The following ZDHHC15 variants were observed in gnomAD, a reference collection of about 807,000 sequenced individuals.
The protein encoded by ZDHHC15 is palmitoyltransferase ZDHHC15.
ZDHHC15 carries 19 observed loss-of-function variants against 31.7 expected under a neutral mutation model. That is an observed-to-expected ratio of 0.60 (90% confidence interval 0.42 to 0.88). The LOEUF is 0.88. Among genes scored for constraint, ZDHHC15 ranks in the 40% least tolerant of loss-of-function variants. The pLI is 0.00. For missense variants in ZDHHC15, 209 were observed against 251.2 expected, an observed-to-expected ratio of 0.83 and a Z score of 1.14; for synonymous variants, 103 against 90.0, an observed-to-expected ratio of 1.14 and a Z score of -0.82.
intron 10 of ZDHHC15, chrX:75,384,650 G>A (rs1343665393): frequency 1.8e-5 from 15 of 856,434 alleles, no homozygotes; most frequent in African/African-American, 8.0e-5. Context: ...TCTAAGAGCC[G>A]AGATAGCTTC....
Position 75,424,574 on chromosome X carries a change from G to A in ZDHHC15, c.736+78C>T, listed in dbSNP as rs929100040. ...CTGCAGCTAAAATGCTTCACTGGAAGTTTTAATTGGGAACAATTCACAGGT... is the reference window on the plus strand; with the variant it reads ...CTGCAGCTAAAATGCTTCACTGGAAATTTTAATTGGGAACAATTCACAGGT... On this transcript the variant is annotated intron_variant, in intron 8 of 11. Coordinates refer to ENST00000373367, the MANE Select transcript of ZDHHC15 (RefSeq NM_144969.3). 1.4e-5 allele frequency: 14 copies of A among 1,030,592 alleles called. No homozygotes were observed. The South Asian group carries it at 4.4e-4, about 32-fold the overall frequency. The allele number at this position is 1,030,592 out of a possible 1,213,427, so 84.9% of individuals were successfully genotyped here. A position where few individuals can be genotyped will look rare whatever the true frequency, so the allele number is the denominator to read the frequency against.
At chrX:75,485,460 A>G in intron 2 of ZDHHC15, among the ~76,000 whole-genome samples, 1 of 110,521 alleles carries the variant, frequency 9.0e-6, no homozygotes, top group Non-Finnish European at 1.9e-5. Context: ...TGACTCTAAA[A>G]CCTACCATTG....
intron 1 of ZDHHC15, among the ~76,000 whole-genome samples, chrX:75,516,631 C>T (rs911973319): frequency 2.7e-5 from 3 of 112,147 alleles, no homozygotes; most frequent in African/African-American, 9.7e-5. Context: ...ACCTTAAAAA[C>T]CCTACAAGAA....
chrX:75,469,789 A>T (rs1174374817), intron 3 of ZDHHC15, among the ~76,000 whole-genome samples: 1 of 111,484 alleles, frequency 9.0e-6, no homozygotes, highest in Non-Finnish European at 1.9e-5. Flanking sequence ...CTATTTGAGG[A>T]ACCATTATAC....
intron 2 of ZDHHC15, among the ~76,000 whole-genome samples, chrX:75,491,797 A>C (rs999281391): frequency 7.2e-5 from 8 of 111,316 alleles, no homozygotes; most frequent in Non-Finnish European, 1.1e-4. Context: ...GGAAGCGCTA[A>C]ACATGGAAAG....
chrX:75,430,420 T>C (rs1305990717), intron 5 of ZDHHC15, among the ~76,000 whole-genome samples: 1 of 111,008 alleles, frequency 9.0e-6, no homozygotes, highest in Non-Finnish European at 1.9e-5. Flanking sequence ...AAAAATGGGG[T>C]TTGCAAAGCT....
rs915720274 is a variant in ZDHHC15, at chrX:75,370,119, G to A, written c.*2859C>T. The A allele has an allele frequency of 3.6e-5, 4 of 111,800 alleles. No homozygotes were observed. The highest frequency in any genetic ancestry group is 7.5e-5 in the Non-Finnish European group (4 of 53,162). 9.2% of individuals were successfully genotyped at this position (111,800 alleles called of 1,213,427 possible). A position where few individuals can be genotyped will look rare whatever the true frequency, so the allele number is the denominator to read the frequency against. On this transcript the variant is annotated 3_prime_UTR_variant, in exon 12 of 12. Coordinates refer to ENST00000373367, the MANE Select transcript of ZDHHC15 (RefSeq NM_144969.3). Reference sequence around the variant, plus strand: ...ATTATTTTGCTTAGAAATACTGTATGGTTAAGCTTTTCATTCCAGTCCTAT... The same window carrying A: ...ATTATTTTGCTTAGAAATACTGTATAGTTAAGCTTTTCATTCCAGTCCTAT...
intron 2 of ZDHHC15, among the ~76,000 whole-genome samples, chrX:75,495,234 C>G (rs1187381740): frequency 8.9e-6 from 1 of 111,823 alleles, no homozygotes. Flanking sequence ...CAATGAGATA[C>G]TATCTCACAC....
At chrX:75,386,416 A>G (rs1323892509) in intron 10 of ZDHHC15, among the ~76,000 whole-genome samples, 1 of 112,175 alleles carries the variant, frequency 8.9e-6, no homozygotes, top group Non-Finnish European at 1.9e-5. Flanking sequence ...TAAAGAGGCA[A>G]TTTATCACAT....
intron 10 of ZDHHC15, among the ~76,000 whole-genome samples, chrX:75,411,529 C>A: frequency 8.9e-6 from 1 of 112,292 alleles, no homozygotes; most frequent in African/African-American, 3.2e-5. Flanking sequence ...TTCGATATAG[C>A]TAGAAGAGAA....
chrX:75,466,486 C>A (rs1463253532), intron 3 of ZDHHC15, among the ~76,000 whole-genome samples: 1 of 111,298 alleles, frequency 9.0e-6, no homozygotes, highest in East Asian at 2.8e-4. Flanking sequence ...AAGATACATG[C>A]ATTAATTGTA....
rs183297377 is a variant in ZDHHC15, at chrX:75,373,488, G to A, written c.*33-543C>T. On this transcript the variant is annotated intron_variant, in intron 11 of 11. Coordinates refer to ENST00000373367, the MANE Select transcript of ZDHHC15 (RefSeq NM_144969.3). ...GGCCCTCAAGTAGCTATTTGTTTAA[G>A]CTTTCCGGAAAATGATTTGGCCTTA... Among the ~76,000 whole-genome samples, 463 of 110,579 alleles carry A rather than the reference G, an allele frequency of 4.2e-3. 2 individuals carry two copies. The highest frequency in any genetic ancestry group is 0.015 in the African/African-American group (447 of 30,481).
At chrX:75,391,428 A>G (rs2083241398) in intron 10 of ZDHHC15, among the ~76,000 whole-genome samples, 1 of 111,814 alleles carries the variant, frequency 8.9e-6, no homozygotes, top group South Asian at 3.7e-4. Context: ...ATTTGATAAT[A>G]AAACTTCCAA....
intron 4 of ZDHHC15, among the ~76,000 whole-genome samples, chrX:75,438,035 C>T (rs1038139383): frequency 1.8e-5 from 2 of 111,928 alleles, no homozygotes; most frequent in Non-Finnish European, 1.9e-5. Flanking sequence ...AAAATGCTCA[C>T]CATCACTGGC....
intron 2 of ZDHHC15, among the ~76,000 whole-genome samples, chrX:75,505,384 G>T (rs2085142495): frequency 9.0e-6 from 1 of 111,253 alleles, no homozygotes; most frequent in South Asian, 3.8e-4. Flanking sequence ...AGCCAAGATG[G>T]TGGTGAGGAG....
At chrX:75,515,812 T>C (rs1277640682) in intron 1 of ZDHHC15, among the ~76,000 whole-genome samples, 1 of 111,723 alleles carries the variant, frequency 9.0e-6, no homozygotes, top group African/African-American at 3.3e-5. Context: ...TTGCAGATGA[T>C]ATGATTGTAT....
At chrX:75,489,938 C>A (rs1396421218) in intron 2 of ZDHHC15, among the ~76,000 whole-genome samples, 1 of 111,876 alleles carries the variant, frequency 8.9e-6, no homozygotes, top group Non-Finnish European at 1.9e-5. Context: ...AACTATGTGA[C>A]GAATGCACTA....
intron 10 of ZDHHC15, among the ~76,000 whole-genome samples, chrX:75,414,157 C>T (rs1235934720): frequency 2.7e-5 from 3 of 111,585 alleles, no homozygotes; most frequent in Non-Finnish European, 5.7e-5. Flanking sequence ...TAAAAAGATG[C>T]CTGTTAAATC....
chrX:75,380,380 C>A (rs181509170), intron 10 of ZDHHC15, among the ~76,000 whole-genome samples: 1 of 111,777 alleles, frequency 8.9e-6, no homozygotes, highest in Non-Finnish European at 1.9e-5. Context: ...TTGGCTATTT[C>A]AGAATTTTTA....
Sources: allele counts gnomAD v4.1 joint callset (sites outside exome capture counted in the v4.1 genomes callset), GRCh38; gene constraint gnomAD v4.1.1; transcripts MANE v1.5; gene names NCBI Gene and HGNC (gene_info 2026-07-23, HGNC 2026-07-21).